Variants in ASPRV1 observed in about 807,000 individuals in gnomAD.
ASPRV1 encodes aspartic peptidase retroviral like 1.
Under a neutral mutation model 11.0 loss-of-function variants are expected in ASPRV1, and 7 were observed. The observed-to-expected ratio is 0.64, with a 90% confidence interval of 0.36 to 1.20. The LOEUF (loss-of-function observed/expected upper bound fraction) is 1.20. Ranked by LOEUF, ASPRV1 falls within the 50% of genes most tolerant of loss-of-function variation. ASPRV1 has a pLI of 0.02. For missense variants in ASPRV1, 299 were observed against 320.0 expected, an observed-to-expected ratio of 0.93 and a Z score of 0.50; for synonymous variants, 136 against 138.4, an observed-to-expected ratio of 0.98 and a Z score of 0.12.
the ASPRV1 span, among the ~76,000 whole-genome samples, chr2:70,041,772 G>A: frequency 1.7e-3 from 252 of 152,258 alleles, no homozygotes; most frequent in Non-Finnish European, 2.8e-3. Context: ...AGCCAGTGAC[G>A]ACCATGGCCG....
chr2:69,977,118 G>C, the ASPRV1 span, among the ~76,000 whole-genome samples: 64 of 152,166 alleles, frequency 4.2e-4, no homozygotes, highest in Non-Finnish European at 7.2e-4. Context: ...CTTGAACATG[G>C]GAGGAGGAGG....
chr2:70,025,132 C>G, the ASPRV1 span, among the ~76,000 whole-genome samples: 1 of 152,142 alleles, frequency 6.6e-6, no homozygotes, highest in African/African-American at 2.4e-5. Context: ...CTTGTATTAT[C>G]TCAACAGACA....
the ASPRV1 span, chr2:70,015,640 G>A: frequency 6.6e-6 from 1 of 152,102 alleles, no homozygotes; most frequent in Non-Finnish European, 1.5e-5. Flanking sequence ...AATACATCTA[G>A]AGAGAGAGAG....
chr2:70,043,280 T>C, the ASPRV1 span, among the ~76,000 whole-genome samples: 1 of 151,966 alleles, frequency 6.6e-6, no homozygotes, highest in Non-Finnish European at 1.5e-5. Context: ...TAGCTGGGCG[T>C]GGTGGTGCGC....
the ASPRV1 span, among the ~76,000 whole-genome samples, chr2:70,076,647 A>G: frequency 6.6e-6 from 1 of 152,246 alleles, no homozygotes; most frequent in Non-Finnish European, 1.5e-5. Context: ...ATCATAGCTC[A>G]GCCTAGACTA....
the ASPRV1 span, among the ~76,000 whole-genome samples, chr2:70,003,746 T>C: frequency 6.6e-6 from 1 of 152,320 alleles, no homozygotes; most frequent in East Asian, 1.9e-4. Flanking sequence ...CCAGAAAGCA[T>C]GTGTTGGAAA....
At chr2:70,058,046 G>C in the ASPRV1 span, among the ~76,000 whole-genome samples, 1 of 152,076 alleles carries the variant, frequency 6.6e-6, no homozygotes, top group Non-Finnish European at 1.5e-5. Flanking sequence ...ACCTCCCCAA[G>C]TGCTGGGATT....
chr2:70,054,857 A>C, the ASPRV1 span, among the ~76,000 whole-genome samples: 2 of 152,166 alleles, frequency 1.3e-5, no homozygotes, highest in African/African-American at 4.8e-5. Flanking sequence ...ACAAGACAAA[A>C]AAGAGTCTCC....
At chr2:69,938,113 C>T in the ASPRV1 span, 30 of 1,614,048 alleles carry the variant, frequency 1.9e-5, no homozygotes, top group African/African-American at 1.6e-4. Flanking sequence ...TCGACGTTGA[C>T]GTGGAGAGCA....
chr2:70,025,183 C>T, the ASPRV1 span, among the ~76,000 whole-genome samples: 2 of 152,194 alleles, frequency 1.3e-5, no homozygotes, highest in African/African-American at 4.8e-5. Flanking sequence ...GACACGCATA[C>T]ACGCATGCAT....
chr2:69,970,563 A>T, the ASPRV1 span, among the ~76,000 whole-genome samples: 1 of 152,114 alleles, frequency 6.6e-6, no homozygotes, highest in African/African-American at 2.4e-5. Context: ...CTAAGACACT[A>T]CCACCTCCAG....
At chr2:69,984,610 CTTTTTTTTTTTTTTTTTT>C in the ASPRV1 span, among the ~76,000 whole-genome samples, 2 of 65,338 alleles carry the variant, frequency 3.1e-5, no homozygotes, top group Non-Finnish European at 5.1e-5. Context: ...TCAGGTCCAG[CTTTTTTTTTTTTTTTTTT>C]TTTTTTTTTT....
the ASPRV1 span, among the ~76,000 whole-genome samples, chr2:70,001,594 T>G: frequency 1.3e-5 from 2 of 152,022 alleles, no homozygotes; most frequent in African/African-American, 4.8e-5. Context: ...CCTGTCTCTA[T>G]TAAAAATACA....
chr2:70,052,679 G>A, the ASPRV1 span, among the ~76,000 whole-genome samples: 3 of 152,150 alleles, frequency 2.0e-5, no homozygotes, highest in Non-Finnish European at 4.4e-5. Context: ...CCAGGCCAGT[G>A]ACAGTGTGAA....
the ASPRV1 span, chr2:69,976,204 A>G: frequency 6.6e-6 from 1 of 151,984 alleles, no homozygotes. Flanking sequence ...CAGGTGGGCA[A>G]AGCCTTCCGT....
chr2:70,075,729 C>T, the ASPRV1 span, among the ~76,000 whole-genome samples: 5 of 151,934 alleles, frequency 3.3e-5, no homozygotes, highest in African/African-American at 1.2e-4. Context: ...GCCCGTAATC[C>T]CAGCTACTAC....
Position 69,961,003 on chromosome 2 carries a change from G to A in ASPRV1, c.434C>T (p.Thr145Ile). 6.2e-7 allele frequency: 1 copy of A among 1,614,114 alleles called. No individual in the cohort carries two copies. The highest frequency in any genetic ancestry group is 8.5e-7 in the Non-Finnish European group (1 of 1,180,010). Reference sequence around the variant, plus strand: ...CTGCAGGGTGTCCAGATCGCCATCAGTGACCTCCTCCCACAAGTTTGGGTG... The same window carrying A: ...CTGCAGGGTGTCCAGATCGCCATCAATGACCTCCTCCCACAAGTTTGGGTG... Reference protein sequence around the residue: ...VVHPNLWEEVTDGDLDTLQPF... With the variant: ...VVHPNLWEEVIDGDLDTLQPF... Residue 145 changes from threonine (T) to isoleucine (I), a missense_variant, in exon 1 of 1, where the codon ACT becomes ATT. Thr to Ile is a moderately conservative substitution (Grantham distance 89). Transcript: ENST00000320256.
chr2:69,989,409 G>A, the ASPRV1 span, among the ~76,000 whole-genome samples: 1 of 152,256 alleles, frequency 6.6e-6, no homozygotes, highest in African/African-American at 2.4e-5. Context: ...GCACAGCACA[G>A]GACAGTGCTT....
the ASPRV1 span, among the ~76,000 whole-genome samples, chr2:70,005,064 T>C: frequency 1.8e-5 from 2 of 111,154 alleles, no homozygotes; most frequent in South Asian, 8.3e-4. Flanking sequence ...TGGTTTCTTA[T>C]TATTATTATT....
Sources: allele counts gnomAD v4.1 joint callset (sites outside exome capture counted in the v4.1 genomes callset), GRCh38; gene constraint gnomAD v4.1.1; transcripts MANE v1.5; gene names NCBI Gene and HGNC (gene_info 2026-07-23, HGNC 2026-07-21).